KSR1: variants seen among roughly 807,000 people sequenced by gnomAD.
The protein encoded by KSR1 is kinase suppressor of ras.
Under a neutral mutation model 92.9 loss-of-function variants are expected in KSR1, and 35 were observed. The observed-to-expected ratio is 0.38, with a 90% CI of 0.29 to 0.50. The LOEUF (loss-of-function observed/expected upper bound fraction) is 0.50, where lower values mean the gene tolerates loss of function less well. KSR1 is among the 20% of genes least tolerant of loss of function. The pLI is 0.94. For missense variants in KSR1, 972 were observed against 1,158.5 expected (o/e 0.84, Z 2.34); for synonymous variants, 467 against 472.6 (o/e 0.99, Z 0.15).
chr17:27,458,360 G>C (rs116559904), intron 1 of KSR1, among the ~76,000 whole-genome samples: 89 of 152,336 alleles, frequency 5.8e-4, no homozygotes, highest in African/African-American at 2.0e-3. Flanking sequence ...CTGTCTGGCA[G>C]AGTGTGCGTG....
chr17:27,514,078 A>G (rs751874332), intron 1 of KSR1, among the ~76,000 whole-genome samples: 2 of 152,258 alleles, frequency 1.3e-5, no homozygotes, highest in Admixed American at 6.5e-5. Context: ...CGCCTTTGCC[A>G]TAAAGCACTT....
chr17:27,498,501 C>T (rs577381994), intron 1 of KSR1, among the ~76,000 whole-genome samples: 12 of 152,312 alleles, frequency 7.9e-5, no homozygotes, highest in Non-Finnish European at 1.8e-4. Flanking sequence ...TCCCACTTTC[C>T]GGACAGTCCA....
At chr17:27,557,737 G>T (rs763141453) in intron 2 of KSR1, among the ~76,000 whole-genome samples, 5 of 152,198 alleles carry the variant, frequency 3.3e-5, no homozygotes, top group Admixed American at 6.5e-5. Flanking sequence ...GTTCTGTCAG[G>T]TGAGGTGGTT....
At chr17:27,611,432 C>A (rs894281333) in intron 17 of KSR1, 62 bp from the exon 18 acceptor site, 12 of 1,607,654 alleles carry the variant, frequency 7.5e-6, no homozygotes, top group Non-Finnish European at 8.5e-6. Flanking sequence ...GGCTCAAGGG[C>A]CCCTGGGCTT....
At chr17:27,530,982 T>A (rs754764818) in intron 1 of KSR1, among the ~76,000 whole-genome samples, 14 of 152,270 alleles carry the variant, frequency 9.2e-5, no homozygotes, top group Non-Finnish European at 1.6e-4. Context: ...CCTCCTTAGC[T>A]GTGCTTCCAT....
At chr17:27,591,290 A>G (rs145171040) in intron 7 of KSR1, among the ~76,000 whole-genome samples, 4 of 152,320 alleles carry the variant, frequency 2.6e-5, no homozygotes, top group African/African-American at 9.6e-5. Context: ...AGCAGAGGGT[A>G]CAGATTCTGT....
intron 2 of KSR1, among the ~76,000 whole-genome samples, chr17:27,556,246 G>A (rs577540915): frequency 7.2e-5 from 11 of 152,212 alleles, no homozygotes; most frequent in East Asian, 3.9e-4. Context: ...ACAGGGTCTC[G>A]CTCTGTTGCC....
chr17:27,611,522 G>T lies in KSR1; in HGVS notation c.2386G>T (p.Asp796Tyr), dbSNP rs1212472710. 6.8e-6 allele frequency: 11 copies of T among 1,613,900 alleles called. No individual in the cohort carries two copies. Among genetic ancestry groups the T allele is most frequent in the Non-Finnish European group, 9.3e-6 (11 of 1,179,800 alleles). Residue 796 changes from aspartate to tyrosine, a missense_variant, in exon 18 of 21, where the codon GAC (aspartate) becomes TAC (tyrosine). Coordinates refer to ENST00000644974, the MANE Select transcript of KSR1 (RefSeq NM_001394583.1). ...TGTTTGGTATGAGCTGCAAGCAAGAGACTGGCCCTTGAAGAACCAGGCTGC... is the reference window on the plus strand; with the variant it reads ...TGTTTGGTATGAGCTGCAAGCAAGATACTGGCCCTTGAAGAACCAGGCTGC... ...GTVWYELQAR[D>Y]WPLKNQAAEA...
chr17:27,522,793 C>T (rs2070095362), intron 1 of KSR1, among the ~76,000 whole-genome samples: 1 of 152,222 alleles, frequency 6.6e-6, no homozygotes, highest in Non-Finnish European at 1.5e-5. Context: ...GCAATGGGTG[C>T]ACCACTCTGA....
chr17:27,587,256 G>C (rs1442624726), intron 5 of KSR1: 7 of 152,324 alleles, frequency 4.6e-5, no homozygotes, highest in African/African-American at 1.7e-4. Context: ...CCTCATGGCA[G>C]ATGTGCCAGG....
At chr17:27,483,594 A>AAG (rs1438215670) in intron 1 of KSR1, 1 of 151,850 alleles carries the variant, frequency 6.6e-6, no homozygotes, top group Non-Finnish European at 1.5e-5. Flanking sequence ...AAAAAAAAAA[A>AAG]AAAAAAAAGA....
intron 1 of KSR1, among the ~76,000 whole-genome samples, chr17:27,474,864 C>CCAGA (rs1351951765): frequency 6.6e-6 from 1 of 152,060 alleles, no homozygotes; most frequent in African/African-American, 2.4e-5. Context: ...ATCACCTGAG[C>CCAGA]CAGAGTTCAA....
chr17:27,604,126 C>T (rs945865667), intron 12 of KSR1, among the ~76,000 whole-genome samples: 89 of 152,158 alleles, frequency 5.8e-4, no homozygotes, highest in East Asian at 1.2e-3. Flanking sequence ...GGGACCCAGG[C>T]GGGTTGGATA....
intron 6 of KSR1, among the ~76,000 whole-genome samples, chr17:27,588,912 A>T (rs2151185572): frequency 6.6e-6 from 1 of 152,322 alleles, no homozygotes; most frequent in South Asian, 2.1e-4. Flanking sequence ...AGTCCGCTGT[A>T]GAGCTTGTTG....
intron 1 of KSR1, among the ~76,000 whole-genome samples, chr17:27,481,082 C>G (rs1305480445): frequency 2.6e-5 from 4 of 152,086 alleles, no homozygotes; most frequent in Admixed American, 6.6e-5. Flanking sequence ...GTTTTTTGGT[C>G]AAATATGCCA....
intron 14 of KSR1, among the ~76,000 whole-genome samples, chr17:27,606,016 A>G (rs1258871243): frequency 1.3e-5 from 2 of 152,248 alleles, no homozygotes; most frequent in African/African-American, 4.8e-5. Flanking sequence ...GCAGTGGCCC[A>G]TGTCTGTAAT....
chr17:27,579,626 C>T (rs2151160472), intron 3 of KSR1: 1 of 152,156 alleles, frequency 6.6e-6, no homozygotes, highest in East Asian at 1.9e-4. Context: ...CCTGTAATCC[C>T]AGCATTTGGG....
intron 1 of KSR1, among the ~76,000 whole-genome samples, chr17:27,503,788 G>A (rs1286985489): frequency 2.0e-5 from 3 of 152,064 alleles, no homozygotes; most frequent in South Asian, 2.1e-4. Context: ...CTACCCTCTC[G>A]TGCTCCTAGA....
At chr17:27,575,717 T>G (rs1010536747) in intron 2 of KSR1, among the ~76,000 whole-genome samples, 2 of 152,068 alleles carry the variant, frequency 1.3e-5, no homozygotes, top group Admixed American at 1.3e-4. Flanking sequence ...GCTGGAGAGG[T>G]TTCCTCCCTC....
Sources: allele counts gnomAD v4.1 joint callset (sites outside exome capture counted in the v4.1 genomes callset), GRCh38; gene constraint gnomAD v4.1.1; transcripts MANE v1.5; gene names NCBI Gene and HGNC (gene_info 2026-07-23, HGNC 2026-07-21).